DNAAF5: variants seen among roughly 807,000 people sequenced by gnomAD.
The protein encoded by DNAAF5 is dynein axonemal assembly factor 5.
DNAAF5 carries 64 observed loss-of-function variants against 75.8 expected under a neutral mutation model. That is an observed-to-expected ratio of 0.84 (90% confidence interval 0.69 to 1.04). DNAAF5 has a LOEUF of 1.04. Among genes scored for constraint, DNAAF5 ranks in the 50% least tolerant of loss-of-function variants. The pLI is 0.00. For synonymous variants in DNAAF5, 657 were observed against 557.2 expected, an observed-to-expected ratio of 1.18 and a Z score of -2.52; for missense variants, 1,269 against 1,178.5, an observed-to-expected ratio of 1.08 and a Z score of -1.12.
intron 6 of DNAAF5, 92 bp from the exon 7 acceptor site, chr7:761,661 G>C: frequency 7.4e-7 from 1 of 1,345,708 alleles, no homozygotes. Context: ...CAGGATACGT[G>C]GGGATTATGG....
intron 3 of DNAAF5, 28 bp from the exon 4 acceptor site, chr7:741,319 C>T: frequency 1.3e-6 from 2 of 1,541,388 alleles, no homozygotes; most frequent in Non-Finnish European, 1.8e-6. Flanking sequence ...CTGCCCTGAG[C>T]CACTGTTGTC....
In DNAAF5 at chr7:727,231, C is replaced by T. The variant is rs748750722; in HGVS notation, c.511C>T (p.Leu171=). Residue 171 remains leucine (L), a synonymous_variant, in exon 1 of 13, where the codon CTG becomes TTG. Transcript: ENST00000297440. ...CCACCTGGACGACGCTCTGCGCGCG[C>T]TGCGCTGCTCCCTGCTCGACCCCTT... ...APHLDDALRA[L]RCSLLDPFAA... 1 of 1,342,224 alleles carries T rather than the reference C, an allele frequency of 7.5e-7. No individual in the cohort carries two copies. The highest frequency in any genetic ancestry group is 1.8e-5 in the South Asian group (1 of 55,764). 83.1% of individuals were successfully genotyped at this position (1,342,224 alleles called of 1,614,324 possible).
chr7:733,679 G>C (rs1321499137), intron 2 of DNAAF5, among the ~76,000 whole-genome samples: 2 of 152,070 alleles, frequency 1.3e-5, no homozygotes, highest in Non-Finnish European at 2.9e-5. Flanking sequence ...TGTGTTTTTA[G>C]TAGAGACAGT....
At chr7:747,516 C>G (rs1782158016) in intron 4 of DNAAF5, among the ~76,000 whole-genome samples, 1 of 150,322 alleles carries the variant, frequency 6.7e-6, no homozygotes, top group Non-Finnish European at 1.5e-5. Context: ...GGCTGGTGTG[C>G]AGTGTTGTCA....
intron 6 of DNAAF5, among the ~76,000 whole-genome samples, chr7:758,809 A>G (rs1782561948): frequency 6.6e-6 from 1 of 152,034 alleles, no homozygotes; most frequent in African/African-American, 2.4e-5. Context: ...CAGCCTCCCA[A>G]GTAGCTGGGA....
In DNAAF5 at chr7:785,792, A is replaced by G. The variant is rs62432897; in HGVS notation, c.*139A>G. On this transcript the variant is annotated 3_prime_UTR_variant, in exon 13 of 13. Transcript: ENST00000297440. ...AATGTACTCCTCAGGACACCTGCCC[A>G]CTCTTTCCCTGGAATAACAGCCTCT... 740,332 of 888,896 alleles carry G rather than the reference A, an allele frequency of 0.83. 309,289 individuals carry two copies. The highest frequency in any genetic ancestry group is 0.9 in the South Asian group (50,240 of 55,976). 55.1% of individuals were successfully genotyped at this position (888,896 alleles called of 1,614,324 possible).
intron 4 of DNAAF5, among the ~76,000 whole-genome samples, chr7:753,623 C>T (rs554312284): frequency 1.3e-5 from 2 of 150,428 alleles, no homozygotes; most frequent in Admixed American, 6.6e-5. Context: ...ATGGGGACGG[C>T]TTCACAGGCG....
At chr7:732,172 T>C (rs1781606439) in intron 2 of DNAAF5, among the ~76,000 whole-genome samples, 1 of 152,244 alleles carries the variant, frequency 6.6e-6, no homozygotes, top group Non-Finnish European at 1.5e-5. Flanking sequence ...CTAGCCGCCC[T>C]GGAGCCTTAG....
At chr7:768,144 C>G (rs4720926) in intron 8 of DNAAF5, among the ~76,000 whole-genome samples, 1 of 128,076 alleles carries the variant, frequency 7.8e-6, no homozygotes, top group Non-Finnish European at 1.6e-5. Context: ...ATGCTGCGAG[C>G]GCTCGCGGCT....
intron 8 of DNAAF5, chr7:768,496 G>T (rs1382233348): frequency 1.3e-5 from 2 of 150,796 alleles, no homozygotes; most frequent in African/African-American, 4.9e-5. Context: ...GCAGCGAGCA[G>T]GAGCTCGCGC....
At chr7:738,535 A>G (rs1781804823) in intron 2 of DNAAF5, among the ~76,000 whole-genome samples, 1 of 151,270 alleles carries the variant, frequency 6.6e-6, no homozygotes, top group Non-Finnish European at 1.5e-5. Flanking sequence ...GCTTGTTTGT[A>G]CCCATCTGTC....
At chr7:764,762 T>C (rs1426390467) in intron 8 of DNAAF5, among the ~76,000 whole-genome samples, 1 of 152,182 alleles carries the variant, frequency 6.6e-6, no homozygotes, top group Non-Finnish European at 1.5e-5. Context: ...CATTCAAAAC[T>C]GTTTCCAAAT....
rs141888113 is a variant in DNAAF5, at chr7:728,929, C to T, written c.596-734C>T. 4.5e-3 allele frequency among the ~76,000 whole-genome samples: 678 copies of T among 151,636 alleles called. 3 individuals are homozygous for T. The highest frequency in any genetic ancestry group is 0.016 in the African/African-American group (646 of 41,318). ...CTCACTGGAATAGCCGTTTCCCAGA[C>T]GGGCCCCAAGTAGTGCAGAGCTGAG... On this transcript the variant is annotated intron_variant, in intron 1 of 12. Coordinates refer to ENST00000297440, the MANE Select transcript of DNAAF5 (RefSeq NM_017802.4).
chr7:773,681 C>T (rs1406816279), intron 9 of DNAAF5, among the ~76,000 whole-genome samples: 1 of 152,114 alleles, frequency 6.6e-6, no homozygotes, highest in African/African-American at 2.4e-5. Context: ...TGGGTGCTGC[C>T]GACACCACCG....
intron 5 of DNAAF5, among the ~76,000 whole-genome samples, 182 bp from the exon 6 acceptor site, chr7:756,600 G>T (rs1424666789): frequency 1.3e-5 from 2 of 152,176 alleles, no homozygotes; most frequent in Non-Finnish European, 2.9e-5. Flanking sequence ...GACGTTCTGA[G>T]ACCACACCCG....
chr7:763,880 T>C lies in DNAAF5; in HGVS notation c.1689T>C (p.Ile563=), dbSNP rs151227818. The C allele has an allele frequency of 5.2e-4, 838 of 1,613,290 alleles. 5 individuals carry two copies. In the African/African-American group the frequency reaches 9.9e-3, roughly 19 times the overall value. ...SSCQDLYRKH[I]GPLLERVTAS... ...GCCAGGACCTCTACCGCAAGCACAT[T>C]GGTCCCCTCCTGGAGCGGGTGACCG... The change falls in exon 8 of 13, where the codon ATT becomes ATC. Residue 563 remains isoleucine, a synonymous_variant. Coordinates refer to ENST00000297440, the MANE Select transcript of DNAAF5 (RefSeq NM_017802.4).
intron 3 of DNAAF5, 44 bp downstream of exon 3, chr7:740,987 ATG>A: frequency 6.2e-7 from 1 of 1,602,974 alleles, no homozygotes. Context: ...CTAAACGGTC[ATG>A]TGTAGCAGTG....
Position 770,580 on chromosome 7 carries a change from C to A in DNAAF5, c.1893C>A (p.Thr631=), listed in dbSNP as rs149101412. The A allele has an allele frequency of 1.9e-6, 3 of 1,613,884 alleles. 1 individual carries two copies. ...TGAAGCTGTTCTCCATCCTGTCCAC[C>A]GTGCTGCTCAGAGCCACGGACACCA... ...MRLKLFSILS[T]VLLRATDTIN... The change falls in exon 9 of 13, where the codon ACC becomes ACA. Residue 631 remains threonine, a synonymous_variant. Coordinates refer to ENST00000297440, the MANE Select transcript of DNAAF5 (RefSeq NM_017802.4).
At position 771,798 on chromosome 7, in the gene DNAAF5, C is replaced by G. The variant is rs981961460; in HGVS notation, c.1931+1180C>G. 53 of 152,338 alleles carry G rather than the reference C, an allele frequency of 3.5e-4. 1 individual carries two copies. The highest frequency in any genetic ancestry group is 3.5e-3 in the Admixed American group (53 of 15,306). 9.4% of individuals were successfully genotyped at this position (152,338 alleles called of 1,614,324 possible). A position where few individuals can be genotyped will look rare whatever the true frequency, so the allele number is the denominator to read the frequency against. The stretch of plus-strand genomic sequence containing the variant: ...CCGCTGGGCAGGTTCTGCCCAGGAA[C>G]AGTTAACTCTGCAGAGCACAGTTTC... On this transcript the variant is annotated intron_variant, in intron 9 of 12. Transcript: ENST00000297440.
Sources: allele counts gnomAD v4.1 joint callset (sites outside exome capture counted in the v4.1 genomes callset), GRCh38; gene constraint gnomAD v4.1.1; transcripts MANE v1.5; gene names NCBI Gene and HGNC (gene_info 2026-07-23, HGNC 2026-07-21).